CRTAP: variants seen among roughly 807,000 people sequenced by gnomAD.
CRTAP encodes the protein cartilage associated protein.
In CRTAP, 33 loss-of-function variants were observed where a neutral mutation model predicts 42.7. That is an observed-to-expected ratio of 0.77 (90% CI 0.59 to 1.03). The LOEUF is 1.03. CRTAP is among the 50% of genes least tolerant of loss of function. The pLI, the probability that CRTAP is intolerant of heterozygous loss-of-function variation, is 0.00. For synonymous variants in CRTAP, 243 were observed against 217.7 expected, an observed-to-expected ratio of 1.12 and a Z score of -1.02; for missense variants, 613 against 533.9, an observed-to-expected ratio of 1.15 and a Z score of -1.46.
intron 1 of CRTAP, among the ~76,000 whole-genome samples, chr3:33,115,567 C>G (rs1470712268): frequency 6.6e-6 from 1 of 151,954 alleles, no homozygotes; most frequent in African/African-American, 2.4e-5. Context: ...CTTGGTGGGT[C>G]CTCACAGGGT....
chr3:33,126,574 CTG>C, intron 3 of CRTAP, among the ~76,000 whole-genome samples: 1 of 152,288 alleles, frequency 6.6e-6, no homozygotes, highest in East Asian at 1.9e-4. Flanking sequence ...CACATAATGT[CTG>C]TGGTTTCTCT....
chr3:33,114,261 G>T lies in CRTAP; in HGVS notation c.184G>T (p.Glu62Ter). Residue 62 changes from glutamate (E) to a stop codon, truncating the protein, a stop_gained, in exon 1 of 7, where the codon GAG (glutamate) becomes TAG (stop). Coordinates refer to ENST00000320954, the MANE Select transcript of CRTAP (RefSeq NM_006371.5). LOFTEE classifies it high-confidence loss of function. ...LDKYSGEHWA[E>*]SVGYLEISLR... Reference sequence around the variant, plus strand: ...CAAGTACAGCGGCGAGCACTGGGCCGAGAGCGTGGGCTACCTGGAGATCAG... The same window carrying T: ...CAAGTACAGCGGCGAGCACTGGGCCTAGAGCGTGGGCTACCTGGAGATCAG... 6.3e-7 allele frequency: 1 copy of T among 1,584,072 alleles called. No individual in the cohort carries two copies.
At position 33,134,233 on chromosome 3, in the gene CRTAP, T is replaced by C. The variant is rs761475787; in HGVS notation, c.1120T>C (p.Phe374Leu). The C allele has an allele frequency of 1.9e-6, 3 of 1,612,688 alleles. No homozygotes were observed. Among genetic ancestry groups the C allele is most frequent in the Non-Finnish European group, 2.5e-6 (3 of 1,178,666 alleles). The change falls in exon 6 of 7, where the codon TTT (phenylalanine) becomes CTT (leucine). Residue 374 changes from phenylalanine to leucine, a missense_variant. Physicochemically the swap from Phe to Leu is conservative, Grantham distance 22. Coordinates refer to ENST00000320954, the MANE Select transcript of CRTAP (RefSeq NM_006371.5). ...CACACTCCAGAAGGAGCTGTATGAC[T>C]TTGCTAAGGAAAATATAATGGATGA... ...VTTLQKELYD[F>L]AKENIMDDDE... is the part of the protein sequence containing the mutation.
intron 2 of CRTAP, among the ~76,000 whole-genome samples, chr3:33,121,584 A>G (rs1273030620): frequency 6.6e-6 from 1 of 152,148 alleles, no homozygotes; most frequent in East Asian, 1.9e-4. Context: ...TCAGTTTTCC[A>G]GGGAAGACTT....
chr3:33,138,964 G>A (rs1024231902), intron 6 of CRTAP, among the ~76,000 whole-genome samples: 4 of 152,114 alleles, frequency 2.6e-5, no homozygotes, highest in African/African-American at 7.2e-5. Context: ...CCAATCGGTC[G>A]AAATCTTGCT....
At chr3:33,121,110 G>A (rs1232528980) in intron 2 of CRTAP, among the ~76,000 whole-genome samples, 2 of 152,222 alleles carry the variant, frequency 1.3e-5, no homozygotes, top group Admixed American at 1.3e-4. Context: ...GCAGGGCATT[G>A]TTGAAAATGG....
rs1193308969 is a variant in CRTAP at position 33,145,042 on chromosome 3, G to A, written c.*2594G>A. 1 of 152,250 alleles carries A rather than the reference G, an allele frequency of 6.6e-6. No individual in the cohort carries two copies. The highest frequency in any genetic ancestry group is 2.4e-5 in the African/African-American group (1 of 41,446). The allele number at this position is 152,250 out of a possible 1,614,324, so 9.4% of individuals were successfully genotyped here. On this transcript the variant is annotated 3_prime_UTR_variant, in exon 7 of 7. Coordinates refer to ENST00000320954, the MANE Select transcript of CRTAP (RefSeq NM_006371.5). This position sits in a 1 kb window ranked among gnomAD's most constrained non-coding sequence, Gnocchi z 4.3. ...AAGGATAGAGTGTTTGGGTTTTTGT[G>A]TAATGGTGGTTAATTGGGGTGGAAC...
chr3:33,119,387 C>T (rs1198839514), intron 1 of CRTAP, among the ~76,000 whole-genome samples: 1 of 151,908 alleles, frequency 6.6e-6, no homozygotes, highest in Non-Finnish European at 1.5e-5. Context: ...TGTAGGGTGG[C>T]GTAAAATGCG....
chr3:33,124,694 A>AGCCTCTGAGGAAT, intron 3 of CRTAP, 115 bp downstream of exon 3: 1 of 1,249,572 alleles, frequency 8.0e-7, no homozygotes, highest in Non-Finnish European at 1.2e-6. Flanking sequence ...ATTTTTGAGC[A>AGCCTCTGAGGAAT]TACTTATTAA....
rs772223364 is a variant in CRTAP at position 33,120,487 on chromosome 3, A to T, written c.615A>T (p.Ser205=). ...EDYIKDLETK[S]YESLFIRAVR... Reference sequence around the variant, plus strand: ...ACATTAAAGACCTGGAAACCAAGTCATATGAAGTATGTTTGGATTTTTATG... The same window carrying T: ...ACATTAAAGACCTGGAAACCAAGTCTTATGAAGTATGTTTGGATTTTTATG... Residue 205 remains serine (S), a synonymous_variant, in exon 2 of 7, where the codon TCA becomes TCT. Transcript: ENST00000320954. The T allele has an allele frequency of 1.2e-6, 2 of 1,609,454 alleles. No individual in the cohort carries two copies. Among genetic ancestry groups the T allele is most frequent in the South Asian group, 1.1e-5 (1 of 90,652 alleles).
At chr3:33,142,301 G>T (rs1017252098) in intron 6 of CRTAP, 94 bp from the exon 7 acceptor site, 6 of 1,189,806 alleles carry the variant, frequency 5.0e-6, no homozygotes, top group African/African-American at 1.5e-5. Flanking sequence ...AAAGCAGACA[G>T]TGGTGATGGC....
intron 4 of CRTAP, among the ~76,000 whole-genome samples, chr3:33,132,171 G>A (rs2030286179): frequency 6.6e-6 from 1 of 152,110 alleles, no homozygotes; most frequent in South Asian, 2.1e-4. Flanking sequence ...CCATCCAGAT[G>A]GGATCCAGAC....
chr3:33,114,616 GC>G, intron 1 of CRTAP, 68 bp downstream of exon 1: 2 of 1,453,514 alleles, frequency 1.4e-6, no homozygotes, highest in Non-Finnish European at 1.9e-6. Context: ...CCCTAGCCCC[GC>G]CCCTGCGCCC....
chr3:33,123,152 C>T (rs966144935), intron 2 of CRTAP, among the ~76,000 whole-genome samples: 1 of 152,192 alleles, frequency 6.6e-6, no homozygotes, highest in Non-Finnish European at 1.5e-5. Flanking sequence ...TTTCCACTAT[C>T]TGGCATGTGG....
At chr3:33,128,587 T>G (rs544793465) in intron 3 of CRTAP, among the ~76,000 whole-genome samples, 6 of 152,362 alleles carry the variant, frequency 3.9e-5, no homozygotes, top group South Asian at 4.1e-4. Flanking sequence ...TTTTTTGTTG[T>G]TGGTGGTAGT....
chr3:33,119,771 CAA>C (rs1469985251), intron 1 of CRTAP, among the ~76,000 whole-genome samples: 1 of 152,150 alleles, frequency 6.6e-6, no homozygotes, highest in Non-Finnish European at 1.5e-5. Flanking sequence ...GGGGAATCCA[CAA>C]GAGATAGTGT....
At chr3:33,121,254 C>T (rs189085737) in intron 2 of CRTAP, among the ~76,000 whole-genome samples, 110 of 152,164 alleles carry the variant, frequency 7.2e-4, no homozygotes, top group Admixed American at 2.9e-3. Context: ...ACTAAAAATA[C>T]AAAAATTAGC....
At chr3:33,118,884 G>A (rs74801610) in intron 1 of CRTAP, among the ~76,000 whole-genome samples, 1,891 of 152,294 alleles carry the variant, frequency 0.012, 37 homozygotes, top group African/African-American at 0.042. Flanking sequence ...GAACACTGCC[G>A]ATAAGTGCCA....
intron 2 of CRTAP, among the ~76,000 whole-genome samples, chr3:33,121,199 A>G (rs1002258408): frequency 6.6e-6 from 1 of 152,134 alleles, no homozygotes; most frequent in African/African-American, 2.4e-5. Context: ...ACCTGAGGTC[A>G]GGAGTTTGAG....
Sources: gnomAD v4.1 joint callset for allele counts (sites outside exome capture counted in the v4.1 genomes callset) on GRCh38, gnomAD v4.1.1 for gene constraint, Gnocchi (gnomAD v3.1) non-coding constraint, MANE v1.5 for transcripts, NCBI Gene and HGNC (gene_info 2026-07-23, HGNC 2026-07-21) for gene names.